The following SUGCT variants were observed in gnomAD, a reference collection of about 807,000 sequenced individuals.
SUGCT encodes succinyl-CoA:glutarate-CoA transferase.
SUGCT carries 41 observed loss-of-function variants against 55.0 expected under a neutral mutation model. The ratio of observed to expected loss-of-function variants is 0.74; its 90% CI spans 0.58 to 0.97. The LOEUF is 0.97. Ranked by LOEUF, SUGCT falls within the 50% of genes least tolerant of loss-of-function variation. SUGCT has a pLI of 0.00. For missense variants in SUGCT, 568 were observed against 547.8 expected, an observed-to-expected ratio of 1.04 and a Z score of -0.37; for synonymous variants, 187 against 200.4, an observed-to-expected ratio of 0.93 and a Z score of 0.56.
intron 1 of SUGCT, among the ~76,000 whole-genome samples, chr7:40,173,853 AT>A (rs1352626317): frequency 6.7e-6 from 1 of 149,088 alleles, no homozygotes; most frequent in Non-Finnish European, 1.5e-5. Context: ...CATATAAATT[AT>A]ATATAATGTA....
the SUGCT span, among the ~76,000 whole-genome samples, chr7:41,028,157 A>G: frequency 6.6e-6 from 1 of 152,222 alleles, no homozygotes; most frequent in Non-Finnish European, 1.5e-5. Context: ...CCTACATCCT[A>G]TCCACAAAAT....
intron 12 of SUGCT, among the ~76,000 whole-genome samples, chr7:40,548,013 C>T (rs920166652): frequency 6.6e-6 from 1 of 152,010 alleles, no homozygotes; most frequent in East Asian, 1.9e-4. Flanking sequence ...CAACTCTTAA[C>T]TATTTTGTCT....
intron 6 of SUGCT, among the ~76,000 whole-genome samples, chr7:40,216,275 G>T (rs1411664993): frequency 6.6e-6 from 1 of 152,028 alleles, no homozygotes; most frequent in African/African-American, 2.4e-5. Flanking sequence ...GCTGAGGCAG[G>T]CGGATCACCT....
intron 9 of SUGCT, among the ~76,000 whole-genome samples, chr7:40,367,010 C>G (rs1439193772): frequency 2.0e-5 from 3 of 152,046 alleles, no homozygotes; most frequent in Non-Finnish European, 1.5e-5. Context: ...GAGTTGGAAC[C>G]AACCCAAATG....
the SUGCT span, among the ~76,000 whole-genome samples, chr7:41,020,278 T>C: frequency 2.6e-5 from 4 of 152,186 alleles, no homozygotes; most frequent in African/African-American, 9.7e-5. Context: ...TTTTGGGACA[T>C]GTGTGTGTGT....
the SUGCT span, among the ~76,000 whole-genome samples, chr7:41,031,477 AT>A: frequency 6.6e-6 from 1 of 152,216 alleles, no homozygotes; most frequent in African/African-American, 2.4e-5. Flanking sequence ...AGTGGTAAAA[AT>A]AGTCTTTTCC....
At chr7:40,228,285 T>A (rs1272906581) in intron 6 of SUGCT, among the ~76,000 whole-genome samples, 1 of 152,194 alleles carries the variant, frequency 6.6e-6, no homozygotes, top group Non-Finnish European at 1.5e-5. Context: ...AGTTGGTAAT[T>A]TGAATTGGGA....
At chr7:40,890,417 T>C in the SUGCT span, among the ~76,000 whole-genome samples, 9 of 151,372 alleles carry the variant, frequency 5.9e-5, no homozygotes, top group Non-Finnish European at 1.2e-4. Flanking sequence ...GCTCTAGGTA[T>C]GCCCCCATGT....
At chr7:40,969,346 T>C in the SUGCT span, among the ~76,000 whole-genome samples, 6 of 152,198 alleles carry the variant, frequency 3.9e-5, no homozygotes, top group African/African-American at 1.2e-4. Context: ...TTCCAACTGA[T>C]ACATTTTATG....
intron 13 of SUGCT, among the ~76,000 whole-genome samples, chr7:40,785,951 T>C (rs2128741721): frequency 6.6e-6 from 1 of 152,180 alleles, no homozygotes; most frequent in African/African-American, 2.4e-5. Flanking sequence ...AAAATTTAAT[T>C]AGCTAATGGT....
intron 12 of SUGCT, among the ~76,000 whole-genome samples, chr7:40,517,726 G>T (rs1276051555): frequency 2.6e-5 from 4 of 152,034 alleles, no homozygotes; most frequent in Non-Finnish European, 5.9e-5. Flanking sequence ...ATGATTTATA[G>T]AAGTGTTACA....
intron 11 of SUGCT, among the ~76,000 whole-genome samples, chr7:40,469,255 A>G (rs1475789461): frequency 1.3e-5 from 2 of 152,050 alleles, no homozygotes; most frequent in Non-Finnish European, 2.9e-5. Context: ...CTACATATTT[A>G]GTTTATTGTA....
intron 7 of SUGCT, among the ~76,000 whole-genome samples, chr7:40,258,050 T>A (rs1409859163): frequency 6.6e-6 from 1 of 152,172 alleles, no homozygotes; most frequent in Admixed American, 6.5e-5. Context: ...TACCTTGACA[T>A]CTAGTCATGG....
intron 13 of SUGCT, among the ~76,000 whole-genome samples, chr7:40,795,606 C>T (rs552358482): frequency 9.9e-5 from 15 of 152,122 alleles, no homozygotes; most frequent in Admixed American, 2.0e-4. Flanking sequence ...CAATCCGCAT[C>T]GACACAGAGA....
the SUGCT span, among the ~76,000 whole-genome samples, chr7:40,970,234 C>T: frequency 1.7e-4 from 26 of 152,132 alleles, no homozygotes; most frequent in East Asian, 1.9e-3. Flanking sequence ...TGCAATGACG[C>T]GATGTCAACT....
At chr7:40,300,890 T>G (rs148858035) in intron 8 of SUGCT, among the ~76,000 whole-genome samples, 1 of 152,344 alleles carries the variant, frequency 6.6e-6, no homozygotes, top group East Asian at 1.9e-4. Context: ...TGCAGTGGGA[T>G]ATTCTCAGTG....
At chr7:40,154,501 T>C (rs990577912) in intron 1 of SUGCT, among the ~76,000 whole-genome samples, 9 of 152,118 alleles carry the variant, frequency 5.9e-5, no homozygotes, top group Non-Finnish European at 1.0e-4. Context: ...TTAAAACTTT[T>C]TTTTTAATAT....
At chr7:40,158,348 A>G (rs1389207844) in intron 1 of SUGCT, among the ~76,000 whole-genome samples, 1 of 152,246 alleles carries the variant, frequency 6.6e-6, no homozygotes, top group East Asian at 1.9e-4. Context: ...TTATGCTTAT[A>G]AAAGTTTTTC....
At chr7:40,232,511 C>T (rs1027407392) in intron 6 of SUGCT, among the ~76,000 whole-genome samples, 1 of 152,098 alleles carries the variant, frequency 6.6e-6, no homozygotes, top group Admixed American at 6.5e-5. Context: ...AAAGTATAAC[C>T]ATTAACAAGA....
Sources: gnomAD v4.1 joint callset for allele counts (sites outside exome capture counted in the v4.1 genomes callset) on GRCh38, gnomAD v4.1.1 for gene constraint, MANE v1.5 for transcripts, NCBI Gene and HGNC (gene_info 2026-07-23, HGNC 2026-07-21) for gene names.